The following SLC26A5 variants were observed in gnomAD, a reference collection of about 807,000 sequenced individuals.
SLC26A5 encodes prestin.
SLC26A5 carries 51 observed loss-of-function variants against 81.0 expected under a neutral mutation model. That is an observed-to-expected ratio of 0.63 (90% confidence interval 0.50 to 0.80). SLC26A5 has a LOEUF of 0.80. SLC26A5 is among the 30% of genes least tolerant of loss of function. The probability of loss-of-function intolerance (pLI) is 0.00; values close to 1 mark genes in which losing one functional copy is unlikely to be tolerated. For missense variants in SLC26A5, 771 were observed against 905.8 expected, an observed-to-expected ratio of 0.85 and a Z score of 1.91; for synonymous variants, 325 against 332.8, an observed-to-expected ratio of 0.98 and a Z score of 0.25.
At chr7:103,391,765 A>G (rs1586253642) in intron 10 of SLC26A5, 30 bp from the exon 11 acceptor site, 3 of 1,568,348 alleles carry the variant, frequency 1.9e-6, no homozygotes, top group Non-Finnish European at 1.8e-6. Flanking sequence ...AACACAAAAG[A>G]GATAGGTCAT....
intron 19 of SLC26A5, chr7:103,362,720 T>C (rs774365565): frequency 8.7e-6 from 14 of 1,606,642 alleles, no homozygotes; most frequent in Non-Finnish European, 1.1e-5. Flanking sequence ...TCACATTCCA[T>C]TGCCTCCTAA....
intron 8 of SLC26A5, among the ~76,000 whole-genome samples, chr7:103,404,945 T>C (rs941173341): frequency 6.6e-6 from 1 of 152,114 alleles, no homozygotes; most frequent in Non-Finnish European, 1.5e-5. Context: ...TGATCTTCAA[T>C]CTCTGATACC....
intron 8 of SLC26A5, among the ~76,000 whole-genome samples, chr7:103,407,007 G>C (rs1824112926): frequency 6.6e-6 from 1 of 152,074 alleles, no homozygotes; most frequent in African/African-American, 2.4e-5. Flanking sequence ...CAAGCCCCAG[G>C]GTGCTAAGGG....
intron 14 of SLC26A5, among the ~76,000 whole-genome samples, chr7:103,381,416 TAC>T (rs766524818): frequency 1.7e-4 from 25 of 145,396 alleles, no homozygotes; most frequent in African/African-American, 6.1e-4. Flanking sequence ...ACACAAACAA[TAC>T]ACACACACCA....
chr7:103,418,830 C>T (rs1825117094), intron 4 of SLC26A5, among the ~76,000 whole-genome samples: 1 of 152,120 alleles, frequency 6.6e-6, no homozygotes, highest in African/African-American at 2.4e-5. Flanking sequence ...CATTCTGGTG[C>T]CTCTCCCACT....
downstream of SLC26A5, among the ~76,000 whole-genome samples, chr7:103,371,542 A>G (rs141436697): frequency 4.3e-3 from 655 of 151,006 alleles, 15 homozygotes; most frequent in East Asian, 0.035. Context: ...AGCCAGGATG[A>G]TCTCAATCTC....
rs1163050786 is a variant in SLC26A5 at position 103,378,673 on chromosome 7, C to T, written c.1678-120G>A. ...TCTGGGTCAGATTATCACCCCAACCCTTGCACTGCCTTTCCCTCAGAGGCC... is the reference window on the plus strand; with the variant it reads ...TCTGGGTCAGATTATCACCCCAACCTTTGCACTGCCTTTCCCTCAGAGGCC... On this transcript the variant is annotated intron_variant, in intron 16 of 19. Coordinates refer to ENST00000306312, the MANE Select transcript of SLC26A5 (RefSeq NM_198999.3). The T allele has an allele frequency of 5.6e-5, 47 of 840,034 alleles. 2 individuals are homozygous for T. In the Admixed American group the frequency reaches 7.6e-4, roughly 14 times the overall value. The allele number at this position is 840,034 out of a possible 1,614,324, so 52.0% of individuals were successfully genotyped here.
chr7:103,370,261 C>A (rs962437262), downstream of SLC26A5, among the ~76,000 whole-genome samples: 7 of 152,136 alleles, frequency 4.6e-5, no homozygotes, highest in African/African-American at 1.7e-4. Flanking sequence ...TACAGGCTCA[C>A]ACCAAGGAAG....
chr7:103,357,714 G>C (rs1038045331), intron 19 of SLC26A5, among the ~76,000 whole-genome samples: 2 of 152,178 alleles, frequency 1.3e-5, no homozygotes, highest in African/African-American at 2.4e-5. Flanking sequence ...GGTAAGCTGT[G>C]ATTGCTTTTC....
intron 4 of SLC26A5, among the ~76,000 whole-genome samples, chr7:103,420,347 G>A (rs929435190): frequency 3.4e-5 from 5 of 147,218 alleles, no homozygotes; most frequent in African/African-American, 1.3e-4. Context: ...CCAGGCCGGA[G>A]TGAAGTAGTA....
intron 19 of SLC26A5, among the ~76,000 whole-genome samples, chr7:103,358,203 G>A (rs1414237226): frequency 6.6e-6 from 1 of 152,142 alleles, no homozygotes; most frequent in South Asian, 2.1e-4. Context: ...TTGCCTCCCA[G>A]TGTTACTCTG....
intron 19 of SLC26A5, chr7:103,368,763 A>T (rs187932420): frequency 6.6e-5 from 10 of 152,354 alleles, no homozygotes; most frequent in African/African-American, 1.9e-4. Flanking sequence ...AAGAAAAAAA[A>T]ATATTTGTAC....
At chr7:103,388,573 G>C (rs1056944873) in intron 14 of SLC26A5, 28 of 311,620 alleles carry the variant, frequency 9.0e-5, no homozygotes, top group Middle Eastern at 2.2e-3. Flanking sequence ...AGATAACAAG[G>C]GAAAGTGGTT....
At chr7:103,398,655 G>A (rs1361169754) in intron 8 of SLC26A5, among the ~76,000 whole-genome samples, 1 of 152,144 alleles carries the variant, frequency 6.6e-6, no homozygotes, top group Non-Finnish European at 1.5e-5. Flanking sequence ...AGTTGCAAGA[G>A]AAACAAAACA....
chr7:103,430,946 T>C (rs1826037167), intron 2 of SLC26A5, among the ~76,000 whole-genome samples: 1 of 152,320 alleles, frequency 6.6e-6, no homozygotes, highest in East Asian at 1.9e-4. Flanking sequence ...TACCACTAAA[T>C]AAGTTGAATC....
chr7:103,365,536 T>C (rs1586174475), intron 19 of SLC26A5, among the ~76,000 whole-genome samples: 1 of 151,932 alleles, frequency 6.6e-6, no homozygotes, highest in East Asian at 1.9e-4. Flanking sequence ...GGCCGAGGCA[T>C]GAGAATCGCT....
At chr7:103,410,317 G>C in intron 7 of SLC26A5, 68 bp downstream of exon 7, 2 of 1,322,478 alleles carry the variant, frequency 1.5e-6, no homozygotes, top group African/African-American at 2.9e-5. Context: ...AGTAAAAAGA[G>C]ATACAGAAGA....
Position 103,374,569 on chromosome 7 carries a change from G to A in SLC26A5, c.2065C>T (p.Arg689Trp), listed in dbSNP as rs776378925. 26 of 1,613,692 alleles carry A rather than the reference G, an allele frequency of 1.6e-5. No homozygotes were observed. The highest frequency in any genetic ancestry group is 6.7e-5 in the Admixed American group (4 of 59,958). The change falls in exon 20 of 20, where the codon CGG becomes TGG. Residue 689 changes from arginine to tryptophan, a missense_variant. Arg to Trp is a moderately radical substitution (Grantham distance 101, BLOSUM62 -3). Coordinates refer to ENST00000306312, the MANE Select transcript of SLC26A5 (RefSeq NM_198999.3). The part of the protein sequence containing the change: ...CSAQVVNDLT[R>W]NRFFENPALW... ...GCAGGATTTTCAAAAAATCTATTCC[G>A]AGTGAGGTCATTCACAACTTGTGCT...
chr7:103,356,591 T>C (rs1820046994), intron 19 of SLC26A5, among the ~76,000 whole-genome samples: 1 of 152,226 alleles, frequency 6.6e-6, no homozygotes, highest in Non-Finnish European at 1.5e-5. Flanking sequence ...CTACTTCTTT[T>C]GTTTACTAAA....
Sources: gnomAD v4.1 joint callset for allele counts (sites outside exome capture counted in the v4.1 genomes callset) on GRCh38, gnomAD v4.1.1 for gene constraint, MANE v1.5 for transcripts, NCBI Gene and HGNC (gene_info 2026-07-23, HGNC 2026-07-21) for gene names.